DOP1B: variants seen among roughly 807,000 people sequenced by gnomAD.
The protein encoded by DOP1B is DOP1 leucine zipper like protein B, also known as protein DOP1B.
Under a neutral mutation model 233.5 loss-of-function variants are expected in DOP1B, and 174 were observed. The observed-to-expected ratio is 0.75, with a 90% CI of 0.66 to 0.85. DOP1B has a LOEUF of 0.85. DOP1B is among the 40% of genes least tolerant of loss of function. DOP1B has a pLI of 0.00. For missense variants in DOP1B, 2,652 were observed against 2,846.6 expected (o/e 0.93, Z 1.56); for synonymous variants, 1,190 against 1,185.6 (o/e 1.00, Z -0.08).
chr21:36,195,423 A>G (rs1158549396), intron 2 of DOP1B, among the ~76,000 whole-genome samples: 1 of 150,174 alleles, frequency 6.7e-6, no homozygotes, highest in African/African-American at 2.4e-5. Flanking sequence ...AACCCTGGCT[A>G]CTCAGGAGAC....
At position 36,251,193 on chromosome 21, in the gene DOP1B, A is replaced by G; in HGVS notation, c.5030A>G (p.Asn1677Ser). The change falls in exon 22 of 37, where the codon AAC becomes AGC. Residue 1677 changes from asparagine to serine, a missense_variant. Physicochemically the swap from Asn to Ser is conservative, Grantham distance 46 (BLOSUM62 1). Around this residue, in one of 3 missense-constraint regions of DOP1B, gnomAD observed 2,617 missense variants for 2,794.3 expected, o/e 0.94. Transcript: ENST00000691173. ...TIRQKILDFL[N>S]PLTAHLGVQL... ...AGACAAAAAATTTTAGACTTCTTAAACCCCTTGACGGCCCATCTTGGGGTT... is the reference window on the plus strand; with the variant it reads ...AGACAAAAAATTTTAGACTTCTTAAGCCCCTTGACGGCCCATCTTGGGGTT... 1 of 1,613,262 alleles carries G rather than the reference A, an allele frequency of 6.2e-7. No homozygotes were observed. The highest frequency in any genetic ancestry group is 8.5e-7 in the Non-Finnish European group (1 of 1,179,798).
chr21:36,199,094 TC>T lies in DOP1B; in HGVS notation c.165del (p.Leu56CysfsTer12). On this transcript the variant is annotated frameshift_variant, in exon 3 of 37. Transcript: ENST00000691173. LOFTEE classifies it high-confidence loss of function. The part of the protein sequence containing the change: ...NKALQSNLRY[S>X]LLPRRLLISK... ...GGCTCTTCAGAGTAACCTGAGGTAC[TC>T]CTTGTTGCCAAGACGGCTCCTCATC... 1 of 1,613,848 alleles carries T rather than the reference TC, an allele frequency of 6.2e-7. No homozygotes were observed. The highest frequency in any genetic ancestry group is 8.5e-7 in the Non-Finnish European group (1 of 1,179,926).
intron 30 of DOP1B, among the ~76,000 whole-genome samples, chr21:36,279,555 G>A (rs574574949): frequency 5.9e-5 from 9 of 152,218 alleles, no homozygotes; most frequent in Non-Finnish European, 1.2e-4. Context: ...GGCTGCTGGT[G>A]GCCCTGTGGC....
At chr21:36,184,639 A>G (rs994096251) in intron 2 of DOP1B, among the ~76,000 whole-genome samples, 6 of 152,238 alleles carry the variant, frequency 3.9e-5, no homozygotes, top group South Asian at 2.1e-4. Flanking sequence ...AGAACAGGCT[A>G]TCGTGGAGAG....
chr21:36,177,509 G>A (rs78273358), intron 2 of DOP1B, among the ~76,000 whole-genome samples: 1,652 of 152,280 alleles, frequency 0.011, 25 homozygotes, highest in African/African-American at 0.038. Context: ...GCTGTGATTT[G>A]AATGGCTCTT....
rs142178671 is a variant in DOP1B at position 36,199,216 on chromosome 21, G to A, written c.285G>A (p.Gly95=). 1 of 1,614,118 alleles carries A rather than the reference G, an allele frequency of 6.2e-7. No individual in the cohort carries two copies. The highest frequency in any genetic ancestry group is 2.2e-5 in the East Asian group (1 of 44,886). The change falls in exon 3 of 37, where the codon GGG becomes GGA. Residue 95 remains glycine (G), a synonymous_variant. Transcript: ENST00000691173. ...ETYEIIFKIV[G]TKWLAKDLFL... ...ACGAGATTATCTTTAAAATCGTGGGGACCAAATGGCTGGCCAAGGACTTGT... is the reference window on the plus strand; with the variant it reads ...ACGAGATTATCTTTAAAATCGTGGGAACCAAATGGCTGGCCAAGGACTTGT...
At chr21:36,175,947 C>T (rs2066018962) in intron 2 of DOP1B, 1 of 152,242 alleles carries the variant, frequency 6.6e-6, no homozygotes. Flanking sequence ...TGTCTCTCCA[C>T]CTGTCACCTG....
rs180861559 is a variant in DOP1B at position 36,247,803 on chromosome 21, T to C, written c.4809+175T>C. 3.5e-4 allele frequency among the ~76,000 whole-genome samples: 54 copies of C among 152,372 alleles called. 2 individuals are homozygous for C. Among genetic ancestry groups the C allele is most frequent in the Admixed American group, 3.0e-3 (46 of 15,302 alleles). ...TAAGTCACGTACACACGTATGCAAATGCATGTGTGTTAGCAATGCAAGTGC... is the reference window on the plus strand; with the variant it reads ...TAAGTCACGTACACACGTATGCAAACGCATGTGTGTTAGCAATGCAAGTGC... On this transcript the variant is annotated intron_variant, in intron 20 of 36. Coordinates refer to ENST00000691173, the MANE Select transcript of DOP1B (RefSeq NM_001320714.2).
At chr21:36,251,737 A>G (rs933543784) in intron 22 of DOP1B, among the ~76,000 whole-genome samples, 2 of 152,202 alleles carry the variant, frequency 1.3e-5, no homozygotes, top group Non-Finnish European at 2.9e-5. Flanking sequence ...ATCATTTGAA[A>G]TGCATGAGAT....
chr21:36,285,439 A>T (rs1042826949), intron 32 of DOP1B, among the ~76,000 whole-genome samples: 5 of 151,618 alleles, frequency 3.3e-5, no homozygotes, highest in South Asian at 2.1e-4. Flanking sequence ...ACGTGTTTTT[A>T]AAAAATAAGC....
intron 13 of DOP1B, among the ~76,000 whole-genome samples, chr21:36,228,454 C>T (rs574305388): frequency 1.3e-5 from 2 of 150,362 alleles, no homozygotes; most frequent in Admixed American, 6.7e-5. Context: ...AGCAAGACTC[C>T]GTTTCAAAAA....
rs770107264 is a variant in DOP1B, at chr21:36,239,800, C to T, written c.2912C>T (p.Thr971Met). 2.2e-5 allele frequency: 34 copies of T among 1,557,694 alleles called. 1 individual carries two copies. In the South Asian group the frequency reaches 2.6e-4, roughly 12 times the overall value. The stretch of plus-strand genomic sequence containing the variant: ...GTCGTGCTGGACAGCCTGGCCTGCA[C>T]GGATGGTGCCATCGGTGCGGCAGCC... ...LFVVLDSLAC[T>M]DGAIGAAAQG... Residue 971 changes from threonine (T) to methionine (M), a missense_variant, in exon 18 of 37, where the codon ACG (threonine) becomes ATG (methionine). Around this residue, in one of 3 missense-constraint regions of DOP1B, gnomAD observed 2,617 missense variants for 2,794.3 expected, o/e 0.94. Coordinates refer to ENST00000691173, the MANE Select transcript of DOP1B (RefSeq NM_001320714.2).
chr21:36,288,147 A>G lies in DOP1B; in HGVS notation c.6294A>G (p.Glu2098=). The change falls in exon 33 of 37, where the codon GAA becomes GAG. Residue 2098 remains glutamate, a synonymous_variant. Coordinates refer to ENST00000691173, the MANE Select transcript of DOP1B (RefSeq NM_001320714.2). ...CATTGTGGCCAATAATGGTCTCTGAATTGGTGAGTACAAGTATTGTAAGTT... is the reference window on the plus strand; with the variant it reads ...CATTGTGGCCAATAATGGTCTCTGAGTTGGTGAGTACAAGTATTGTAAGTT... ...LTSLWPIMVS[E]LIQTFTQLEE... 1 of 1,613,092 alleles carries G rather than the reference A, an allele frequency of 6.2e-7. No homozygotes were observed. The highest frequency in any genetic ancestry group is 8.5e-7 in the Non-Finnish European group (1 of 1,179,776).
intron 2 of DOP1B, among the ~76,000 whole-genome samples, chr21:36,183,866 C>CTT (rs869202145): frequency 0.19 from 26,263 of 137,296 alleles, 2,402 homozygotes; most frequent in Non-Finnish European, 0.2. Flanking sequence ...TACATGGTTT[C>CTT]TTTTTTTTTT....
In DOP1B at chr21:36,224,937, C is replaced by T. The variant is rs117789622; in HGVS notation, c.1371-628C>T. On this transcript the variant is annotated intron_variant, in intron 11 of 36. Coordinates refer to ENST00000691173, the MANE Select transcript of DOP1B (RefSeq NM_001320714.2). ...GGACTGTGGTGTTCTCCAGCCCAGC[C>T]TCGTTCCCTTGGATCGTGCTTTTGG... 7.6e-3 allele frequency among the ~76,000 whole-genome samples: 1,160 copies of T among 152,030 alleles called. 9 individuals carry two copies. The highest frequency in any genetic ancestry group is 0.011 in the Non-Finnish European group (768 of 67,974).
intron 2 of DOP1B, chr21:36,170,236 C>T: frequency 2.7e-6 from 1 of 373,062 alleles, no homozygotes; most frequent in Admixed American, 4.2e-5. Flanking sequence ...TTGCATTTCC[C>T]TAATGACTAA....
At chr21:36,171,903 G>A (rs1275291551) in intron 2 of DOP1B, among the ~76,000 whole-genome samples, 5 of 152,208 alleles carry the variant, frequency 3.3e-5, no homozygotes, top group South Asian at 2.1e-4. Flanking sequence ...CTTTCTTGGC[G>A]AGAGACAGAC....
intron 26 of DOP1B, among the ~76,000 whole-genome samples, chr21:36,268,216 A>G (rs1569062094): frequency 6.6e-6 from 1 of 152,162 alleles, no homozygotes; most frequent in Non-Finnish European, 1.5e-5. Context: ...GTGGCTGTTT[A>G]TAGACCTCAC....
chr21:36,274,409 A>T (rs2146239328), intron 27 of DOP1B, among the ~76,000 whole-genome samples: 1 of 152,348 alleles, frequency 6.6e-6, no homozygotes, highest in East Asian at 1.9e-4. Flanking sequence ...TAAGCAATTT[A>T]CCAAGGTGGA....
Sources: allele counts gnomAD v4.1 joint callset (sites outside exome capture counted in the v4.1 genomes callset), GRCh38; gene constraint gnomAD v4.1.1; regional missense constraint gnomAD v4.1.1; transcripts MANE v1.5; gene names NCBI Gene and HGNC (gene_info 2026-07-23, HGNC 2026-07-21).